GOLGA4: variants seen among roughly 807,000 people sequenced by gnomAD.
GOLGA4 encodes the protein golgin subfamily A member 4.
In GOLGA4, 169 loss-of-function variants were observed where a neutral mutation model predicts 265.9. That is an observed-to-expected ratio of 0.64 (90% CI 0.56 to 0.72). The LOEUF is 0.72. Among genes scored for constraint, GOLGA4 ranks in the 30% least tolerant of loss-of-function variants. GOLGA4 has a pLI of 0.00. For synonymous variants in GOLGA4, 923 were observed against 855.8 expected (o/e 1.08, Z -1.37); for missense variants, 2,482 against 2,483.4 (o/e 1.00, Z 0.01).
At chr3:37,362,503 G>C (rs749288500) in intron 23 of GOLGA4, among the ~76,000 whole-genome samples, 1 of 151,332 alleles carries the variant, frequency 6.6e-6, no homozygotes, top group Non-Finnish European at 1.5e-5. Flanking sequence ...GCCTCCCAAA[G>C]TGCTGGGATT....
intron 23 of GOLGA4, among the ~76,000 whole-genome samples, chr3:37,364,401 C>G (rs969692824): frequency 1.9e-4 from 28 of 150,954 alleles, no homozygotes; most frequent in African/African-American, 5.8e-4. Flanking sequence ...CCACCACACC[C>G]AGCTTATTTT....
chr3:37,285,997 T>A lies in GOLGA4; in HGVS notation c.478-17T>A. ...TTTATTTAGGAATGACTAATGTTGT[T>A]GATGACTATATTTTAGCTTGTTACA... On this transcript the variant is annotated splice_polypyrimidine_tract_variant and intron_variant, in intron 3 of 23. Transcript: ENST00000361924. The A allele has an allele frequency of 6.8e-7, 1 of 1,469,788 alleles. No individual in the cohort carries two copies. 91.0% of individuals were successfully genotyped at this position (1,469,788 alleles called of 1,614,324 possible). A position where few individuals can be genotyped will look rare whatever the true frequency, so the allele number is the denominator to read the frequency against.
chr3:37,245,378 T>C (rs745824660), intron 1 of GOLGA4: 2 of 152,406 alleles, frequency 1.3e-5, no homozygotes, highest in African/African-American at 2.4e-5. Context: ...TTCAGAAAAG[T>C]ATTAACACAG....
At chr3:37,281,773 C>G (rs368625026) in intron 2 of GOLGA4, among the ~76,000 whole-genome samples, 185 bp from the exon 3 acceptor site, 1 of 152,214 alleles carries the variant, frequency 6.6e-6, no homozygotes, top group South Asian at 2.1e-4. Flanking sequence ...CCTCTGACTC[C>G]AGGTCCAACA....
At chr3:37,303,171 T>G (rs906257935) in intron 10 of GOLGA4, among the ~76,000 whole-genome samples, 3 of 152,184 alleles carry the variant, frequency 2.0e-5, no homozygotes, top group African/African-American at 7.2e-5. Flanking sequence ...ATTGAAATCT[T>G]AAAAGGTAGG....
Position 37,327,826 on chromosome 3 carries a change from G to T in GOLGA4, c.5939+1G>T, listed in dbSNP as rs2096976848. On this transcript the variant is annotated splice_donor_variant, in intron 14 of 23. Transcript: ENST00000361924. LOFTEE classifies it high-confidence loss of function. ...ATCAAGAAAGGGAAGAGAAAATCAAGTAAGTTTTATTTCAGCTTGAATATT... is the reference window on the plus strand; with the variant it reads ...ATCAAGAAAGGGAAGAGAAAATCAATTAAGTTTTATTTCAGCTTGAATATT... 6.3e-7 allele frequency: 1 copy of T among 1,589,448 alleles called. No homozygotes were observed. Among genetic ancestry groups the T allele is most frequent in the Non-Finnish European group, 8.6e-7 (1 of 1,164,390 alleles).
chr3:37,288,769 C>T (rs920035630), intron 4 of GOLGA4, among the ~76,000 whole-genome samples: 30 of 152,152 alleles, frequency 2.0e-4, no homozygotes, highest in African/African-American at 6.7e-4. Context: ...TGAGCCACTG[C>T]GCCCGGCTGG....
Position 37,296,067 on chromosome 3 carries a change from A to G in GOLGA4, c.682-20A>G, listed in dbSNP as rs769098771. 15 of 1,610,954 alleles carry G rather than the reference A, an allele frequency of 9.3e-6. No homozygotes were observed. The highest frequency in any genetic ancestry group is 1.7e-6 in the Non-Finnish European group (2 of 1,177,458). On this transcript the variant is annotated intron_variant, in intron 6 of 23. Coordinates refer to ENST00000361924, the MANE Select transcript of GOLGA4 (RefSeq NM_002078.5). ...CATAGTTTTTTTTGACTTTTTTCTA[A>G]TGAAGCACATTTATATTAGGTTTCT...
At chr3:37,253,541 C>G (rs957710472) in intron 2 of GOLGA4, among the ~76,000 whole-genome samples, 1 of 151,634 alleles carries the variant, frequency 6.6e-6, no homozygotes, top group Non-Finnish European at 1.5e-5. Flanking sequence ...TCATTCTATC[C>G]GAAACCATCT....
rs540156518 is a variant in GOLGA4 at position 37,306,707 on chromosome 3, GTTC to G, written c.1234+4380_1234+4382del. ...TAATACGGCACATTCAATTTTGTAT[GTTC>G]TTCTCCCCCATTTAGCATTATGTTA... On this transcript the variant is annotated intron_variant, in intron 10 of 23. Coordinates refer to ENST00000361924, the MANE Select transcript of GOLGA4 (RefSeq NM_002078.5). 2.4e-4 allele frequency among the ~76,000 whole-genome samples: 36 copies of G among 151,812 alleles called. No individual in the cohort carries two copies. In the South Asian group the frequency reaches 7.3e-3, roughly 31 times the overall value.
chr3:37,284,726 T>TC (rs2150782431), intron 3 of GOLGA4, among the ~76,000 whole-genome samples: 1 of 150,618 alleles, frequency 6.6e-6, no homozygotes, highest in East Asian at 2.0e-4. Flanking sequence ...TGCAGTGGCA[T>TC]CATCACGGCT....
intron 5 of GOLGA4, among the ~76,000 whole-genome samples, chr3:37,293,779 TTCCATA>T (rs1356051909): frequency 2.6e-5 from 4 of 152,202 alleles, no homozygotes; most frequent in African/African-American, 9.6e-5. Flanking sequence ...TGAGAAAAGC[TTCCATA>T]GGTCATTTTG....
intron 2 of GOLGA4, among the ~76,000 whole-genome samples, chr3:37,259,437 C>G (rs890683049): frequency 3.3e-5 from 5 of 152,126 alleles, no homozygotes; most frequent in African/African-American, 7.2e-5. Flanking sequence ...ACTAAGCAGC[C>G]CATGCTCAAA....
In GOLGA4 at chr3:37,319,200, T is replaced by A. The variant is rs1387303261; in HGVS notation, c.1545+6T>A. On this transcript the variant is annotated splice_donor_region_variant and intron_variant, in intron 12 of 23. Coordinates refer to ENST00000361924, the MANE Select transcript of GOLGA4 (RefSeq NM_002078.5). ...AACAAATGAAAGTAGCTCTTGTAAG[T>A]GACTATTTTTTTTTTTCTGCTATAG... 6.3e-7 allele frequency: 1 copy of A among 1,593,426 alleles called. No homozygotes were observed.
At chr3:37,253,385 A>G (rs1017992188) in intron 2 of GOLGA4, among the ~76,000 whole-genome samples, 2 of 146,462 alleles carry the variant, frequency 1.4e-5, no homozygotes, top group African/African-American at 2.4e-5. Context: ...CTTTTAACCA[A>G]AAACTTAATT....
At chr3:37,296,332 G>A in intron 7 of GOLGA4, 113 bp downstream of exon 7, 1 of 1,028,848 alleles carries the variant, frequency 9.7e-7, no homozygotes. Context: ...GATCGCTTGA[G>A]TTCAGGAGTT....
In GOLGA4 at chr3:37,246,873, C is replaced by G. The variant is rs1011391687; in HGVS notation, c.72+3251C>G. 5.9e-5 allele frequency among the ~76,000 whole-genome samples: 9 copies of G among 152,114 alleles called. 1 individual carries two copies. Among genetic ancestry groups the G allele is most frequent in the Non-Finnish European group, 7.3e-5 (5 of 68,034 alleles). ...CTCAGAGATGGCAGCTGACCTCACTCTTTTAGAGTGAGACCCCAAAATAAT... is the reference window on the plus strand; with the variant it reads ...CTCAGAGATGGCAGCTGACCTCACTGTTTTAGAGTGAGACCCCAAAATAAT... On this transcript the variant is annotated intron_variant, in intron 1 of 23. Transcript: ENST00000361924.
At chr3:37,264,717 AT>A (rs2096778979) in intron 2 of GOLGA4, among the ~76,000 whole-genome samples, 1 of 151,798 alleles carries the variant, frequency 6.6e-6, no homozygotes, top group Non-Finnish European at 1.5e-5. Context: ...TGTTTCAAAA[AT>A]TTTTTTTGGA....
At chr3:37,281,811 T>G in intron 2 of GOLGA4, 147 bp from the exon 3 acceptor site, 1 of 686,818 alleles carries the variant, frequency 1.5e-6, no homozygotes, top group Non-Finnish European at 2.5e-6. Context: ...AAGTGTTTTG[T>G]TTTTCAGAAA....
Sources: gnomAD v4.1 joint callset for allele counts (sites outside exome capture counted in the v4.1 genomes callset) on GRCh38, gnomAD v4.1.1 for gene constraint, MANE v1.5 for transcripts, NCBI Gene and HGNC (gene_info 2026-07-23, HGNC 2026-07-21) for gene names.